Variants in TCF4 observed in about 807,000 individuals in gnomAD.
TCF4 encodes the protein SL3-3 enhancer factor 2.
Under a neutral mutation model 82.1 loss-of-function variants are expected in TCF4, and 3 were observed. The ratio of observed to expected loss-of-function variants is 0.04; its 90% CI spans 0.02 to 0.09. The LOEUF (loss-of-function observed/expected upper bound fraction) is 0.09. Ranked by LOEUF, TCF4 falls within the 10% of genes least tolerant of loss-of-function variation. TCF4 has a pLI of 1.00. For missense variants in TCF4, 518 were observed against 852.7 expected, an observed-to-expected ratio of 0.61 and a Z score of 4.89; for synonymous variants, 276 against 309.6, an observed-to-expected ratio of 0.89 and a Z score of 1.14.
chr18:55,350,008 A>G (rs1312361421), intron 8 of TCF4, among the ~76,000 whole-genome samples: 1 of 152,188 alleles, frequency 6.6e-6, no homozygotes, highest in African/African-American at 2.4e-5. Context: ...ATGCAAATCC[A>G]TAAATCATCA....
chr18:55,470,956 T>C (rs1446456265), intron 3 of TCF4, among the ~76,000 whole-genome samples: 4 of 152,102 alleles, frequency 2.6e-5, no homozygotes, highest in Non-Finnish European at 5.9e-5. Context: ...TCTACACCAT[T>C]ATGGAGACTC....
At chr18:55,440,135 C>A (rs2095413127) in intron 5 of TCF4, among the ~76,000 whole-genome samples, 1 of 152,172 alleles carries the variant, frequency 6.6e-6, no homozygotes, top group Non-Finnish European at 1.5e-5. Flanking sequence ...AGCCACCACG[C>A]CCAGCCACAA....
At chr18:55,471,375 G>A (rs1467172258) in intron 3 of TCF4, among the ~76,000 whole-genome samples, 1 of 152,186 alleles carries the variant, frequency 6.6e-6, no homozygotes, top group Non-Finnish European at 1.5e-5. Context: ...AGCAAAGGAT[G>A]AGGGTTGTGT....
intron 5 of TCF4, among the ~76,000 whole-genome samples, chr18:55,414,505 C>T (rs2094460667): frequency 6.6e-6 from 1 of 152,140 alleles, no homozygotes; most frequent in Admixed American, 6.5e-5. Context: ...ACCAAACTGA[C>T]TCCATCAAGT....
intron 3 of TCF4, among the ~76,000 whole-genome samples, chr18:55,536,119 T>C (rs1261429402): frequency 6.6e-6 from 1 of 152,204 alleles, no homozygotes; most frequent in Non-Finnish European, 1.5e-5. Flanking sequence ...AACAATCCCC[T>C]ACATTTCAAA....
chr18:55,350,613 T>C (rs998930233), intron 7 of TCF4, among the ~76,000 whole-genome samples: 4 of 152,108 alleles, frequency 2.6e-5, no homozygotes, highest in African/African-American at 9.7e-5. Flanking sequence ...TTTTGCTACT[T>C]TGATCTTTTA....
In TCF4 at chr18:55,225,702, G is replaced by A. The variant is rs573468735; in HGVS notation, c.*2333C>T. 1 of 152,564 alleles carries A rather than the reference G, an allele frequency of 6.6e-6. No individual in the cohort carries two copies. Among genetic ancestry groups the A allele is most frequent in the South Asian group, 2.1e-4 (1 of 4,824 alleles). 9.5% of individuals were successfully genotyped at this position (152,564 alleles called of 1,614,324 possible). A position where few individuals can be genotyped will look rare whatever the true frequency, so the allele number is the denominator to read the frequency against. ...ATTATTGTCTTCCATGTCCTTCTCT[G>A]AGCCTCTTTGTTCATACATTTCACA... On this transcript the variant is annotated 3_prime_UTR_variant, in exon 20 of 20. Coordinates refer to ENST00000354452, the MANE Select transcript of TCF4 (RefSeq NM_001083962.2).
At chr18:55,505,024 T>G (rs140256360) in intron 3 of TCF4, among the ~76,000 whole-genome samples, 1 of 152,202 alleles carries the variant, frequency 6.6e-6, no homozygotes, top group Non-Finnish European at 1.5e-5. Context: ...GCAATAAAAC[T>G]GTCCTATAAA....
intron 3 of TCF4, among the ~76,000 whole-genome samples, chr18:55,536,949 A>G (rs1307970362): frequency 6.6e-6 from 1 of 151,656 alleles, no homozygotes; most frequent in Non-Finnish European, 1.5e-5. Context: ...CCTGGCTAAC[A>G]TGGTGAAACC....
intron 8 of TCF4, among the ~76,000 whole-genome samples, chr18:55,347,862 T>C (rs565736557): frequency 1.3e-5 from 2 of 152,320 alleles, no homozygotes; most frequent in South Asian, 4.1e-4. Context: ...AAAGAAAACA[T>C]ATAAGTGTCT....
upstream of TCF4, among the ~76,000 whole-genome samples, chr18:55,593,410 T>A (rs1419181251): frequency 6.6e-6 from 1 of 152,230 alleles, no homozygotes; most frequent in East Asian, 1.9e-4. Flanking sequence ...TGCCTAAAGA[T>A]AATGCTTCTT....
At chr18:55,354,332 GTTGT>G in intron 6 of TCF4, among the ~76,000 whole-genome samples, 1 of 152,190 alleles carries the variant, frequency 6.6e-6, no homozygotes, top group South Asian at 2.1e-4. Flanking sequence ...TTAAAATTTT[GTTGT>G]TTGTTTTACA....
upstream of TCF4, among the ~76,000 whole-genome samples, chr18:55,592,462 C>T (rs899338089): frequency 6.6e-6 from 1 of 152,242 alleles, no homozygotes; most frequent in Admixed American, 6.5e-5. Context: ...CTTATGAGAA[C>T]ACTAATGCCA....
At chr18:55,258,409 C>T (rs867833354) in intron 13 of TCF4, among the ~76,000 whole-genome samples, 3 of 152,236 alleles carry the variant, frequency 2.0e-5, no homozygotes, top group African/African-American at 7.2e-5. Flanking sequence ...TCATGCTACT[C>T]AGGTCGAGGG....
At chr18:55,436,397 T>TC (rs2095330239) in intron 5 of TCF4, among the ~76,000 whole-genome samples, 1 of 152,244 alleles carries the variant, frequency 6.6e-6, no homozygotes, top group South Asian at 2.1e-4. Flanking sequence ...CAGGTTTTAA[T>TC]AATTTCAATG....
chr18:55,572,127 G>A (rs559560507), intron 3 of TCF4, among the ~76,000 whole-genome samples: 10 of 152,154 alleles, frequency 6.6e-5, no homozygotes, highest in South Asian at 2.1e-4. Context: ...TTCTATGTTC[G>A]TCTTGTTTCA....
At chr18:55,382,355 C>T (rs1157341619) in intron 6 of TCF4, among the ~76,000 whole-genome samples, 1 of 152,064 alleles carries the variant, frequency 6.6e-6, no homozygotes, top group Non-Finnish European at 1.5e-5. Context: ...CTTGCTTCCT[C>T]CCCTCAGAAT....
At chr18:55,430,381 C>A (rs987121386) in intron 5 of TCF4, among the ~76,000 whole-genome samples, 1 of 152,286 alleles carries the variant, frequency 6.6e-6, no homozygotes, top group Admixed American at 6.5e-5. Context: ...CCTGGCAAAG[C>A]CAATAATTTC....
intron 6 of TCF4, among the ~76,000 whole-genome samples, chr18:55,369,774 T>A (rs181694991): frequency 6.6e-6 from 1 of 152,234 alleles, no homozygotes; most frequent in Non-Finnish European, 1.5e-5. Flanking sequence ...ATGTATTCAT[T>A]AAATGTTTAT....
Sources: allele counts gnomAD v4.1 joint callset (sites outside exome capture counted in the v4.1 genomes callset), GRCh38; gene constraint gnomAD v4.1.1; transcripts MANE v1.5; gene names NCBI Gene and HGNC (gene_info 2026-07-23, HGNC 2026-07-21).